The following NALF1 variants were observed in gnomAD, a reference collection of about 807,000 sequenced individuals.
NALF1 encodes family with sequence similarity 155 member A.
In NALF1, 3 loss-of-function variants were observed where a neutral mutation model predicts 48.4. The observed-to-expected ratio is 0.06, with a 90% confidence interval of 0.03 to 0.16. The LOEUF is 0.16. Ranked by LOEUF, NALF1 falls within the 10% of genes least tolerant of loss-of-function variation. NALF1 has a pLI of 1.00. For missense variants in NALF1, 526 were observed against 571.5 expected (o/e 0.92, Z 0.81); for synonymous variants, 262 against 245.7 (o/e 1.07, Z -0.62).
At chr13:107,339,202 C>T (rs907329942) in intron 1 of NALF1, among the ~76,000 whole-genome samples, 2 of 150,688 alleles carry the variant, frequency 1.3e-5, no homozygotes, top group Admixed American at 1.3e-4. Flanking sequence ...AATGAAATAA[C>T]CTGAAACTTA....
At chr13:107,337,075 A>C (rs1040236005) in intron 1 of NALF1, among the ~76,000 whole-genome samples, 6 of 132,414 alleles carry the variant, frequency 4.5e-5, no homozygotes, top group African/African-American at 1.1e-4. Context: ...AAAAAAAAAA[A>C]AATGTCAGAA....
chr13:107,698,749 C>G (rs1017210810), intron 1 of NALF1, among the ~76,000 whole-genome samples: 1 of 152,000 alleles, frequency 6.6e-6, no homozygotes, highest in Non-Finnish European at 1.5e-5. Flanking sequence ...TTTCCCTGAC[C>G]ACTTTATAGC....
intron 1 of NALF1, among the ~76,000 whole-genome samples, chr13:107,633,112 G>A (rs1452938254): frequency 6.6e-6 from 1 of 152,012 alleles, no homozygotes; most frequent in Non-Finnish European, 1.5e-5. Flanking sequence ...TTGTTTATAA[G>A]AGAAAGAATG....
chr13:107,563,724 T>C (rs1333493429), intron 1 of NALF1, among the ~76,000 whole-genome samples: 1 of 152,214 alleles, frequency 6.6e-6, no homozygotes, highest in Non-Finnish European at 1.5e-5. Context: ...AAAGAAAACA[T>C]TACCATTCTG....
At chr13:107,367,948 TA>T (rs1883180391) in intron 1 of NALF1, among the ~76,000 whole-genome samples, 2 of 152,172 alleles carry the variant, frequency 1.3e-5, no homozygotes, top group Non-Finnish European at 2.9e-5. Flanking sequence ...AGTGCAAACA[TA>T]CTGAGCATTG....
chr13:107,282,235 G>C (rs183382234), intron 1 of NALF1, among the ~76,000 whole-genome samples: 43 of 152,328 alleles, frequency 2.8e-4, no homozygotes, highest in African/African-American at 9.6e-4. Context: ...CCCAGACTTT[G>C]AGGTCAGGTC....
Position 107,532,377 on chromosome 13 carries a change from T to G in NALF1, c.916-321622A>C, listed in dbSNP as rs563944087. Among the ~76,000 whole-genome samples the G allele has an allele frequency of 3.3e-5, 5 of 152,230 alleles. No homozygotes were observed. In the East Asian group the frequency reaches 9.7e-4, roughly 29 times the overall value. On this transcript the variant is annotated intron_variant, in intron 1 of 2. Transcript: ENST00000375915. ...GCTGAGCTCTCATTATGGACTGTTT[T>G]GCTGCTTCCTTTCTCTATGAAGAAA...
At chr13:107,561,281 C>T (rs748696116) in intron 1 of NALF1, among the ~76,000 whole-genome samples, 5 of 152,142 alleles carry the variant, frequency 3.3e-5, no homozygotes, top group African/African-American at 4.8e-5. Context: ...TACTTAGGTG[C>T]CATGTCACCT....
chr13:107,358,275 G>T (rs1327253187), intron 1 of NALF1, among the ~76,000 whole-genome samples: 1 of 152,040 alleles, frequency 6.6e-6, no homozygotes, highest in African/African-American at 2.4e-5. Context: ...TCACTTGCCT[G>T]CTGTATTACC....
chr13:107,265,952 G>A (rs542877322), intron 1 of NALF1, among the ~76,000 whole-genome samples: 1 of 152,138 alleles, frequency 6.6e-6, no homozygotes, highest in Non-Finnish European at 1.5e-5. Flanking sequence ...TTCTCTAGGT[G>A]CTGGGAAATA....
At chr13:107,294,640 T>C (rs967204772) in intron 1 of NALF1, among the ~76,000 whole-genome samples, 3 of 152,194 alleles carry the variant, frequency 2.0e-5, no homozygotes, top group African/African-American at 7.2e-5. Context: ...ATCGTCCCCA[T>C]ATTAATGTGG....
intron 1 of NALF1, among the ~76,000 whole-genome samples, chr13:107,480,277 A>G (rs1885234751): frequency 6.6e-6 from 1 of 152,160 alleles, no homozygotes; most frequent in Admixed American, 6.6e-5. Flanking sequence ...AACTTGGCAC[A>G]ATGACTTCAG....
At chr13:107,467,490 G>T (rs114381663) in intron 1 of NALF1, among the ~76,000 whole-genome samples, 4 of 152,018 alleles carry the variant, frequency 2.6e-5, no homozygotes, top group South Asian at 2.1e-4. Flanking sequence ...TACCCACAAA[G>T]GGATAGCAGC....
chr13:107,614,055 A>T (rs922464679), intron 1 of NALF1, among the ~76,000 whole-genome samples: 1 of 152,182 alleles, frequency 6.6e-6, no homozygotes, highest in Non-Finnish European at 1.5e-5. Flanking sequence ...TTCATCTGTA[A>T]TATTTCTTGT....
intron 1 of NALF1, among the ~76,000 whole-genome samples, chr13:107,458,607 G>A (rs561745436): frequency 1.3e-5 from 2 of 152,280 alleles, no homozygotes; most frequent in East Asian, 3.9e-4. Context: ...AGGTTAAACA[G>A]GAAGACGCAC....
intron 1 of NALF1, among the ~76,000 whole-genome samples, chr13:107,329,073 G>T (rs1266174352): frequency 6.6e-6 from 1 of 152,118 alleles, no homozygotes; most frequent in African/African-American, 2.4e-5. Context: ...CAACATCTTA[G>T]ATTATATCAT....
intron 1 of NALF1, among the ~76,000 whole-genome samples, chr13:107,677,529 C>T (rs1881162657): frequency 6.6e-6 from 1 of 151,618 alleles, no homozygotes; most frequent in South Asian, 2.1e-4. Flanking sequence ...ATTTATAATA[C>T]CTAAAAATCA....
At chr13:107,555,035 T>C (rs1877417021) in intron 1 of NALF1, among the ~76,000 whole-genome samples, 1 of 152,176 alleles carries the variant, frequency 6.6e-6, no homozygotes, top group Admixed American at 6.5e-5. Context: ...GGCAAGGTTG[T>C]GCCGTAAAGC....
At chr13:107,275,637 C>T (rs970693665) in intron 1 of NALF1, among the ~76,000 whole-genome samples, 1 of 152,094 alleles carries the variant, frequency 6.6e-6, no homozygotes, top group African/African-American at 2.4e-5. Context: ...ATCTGATCTC[C>T]AGGTCTTCCA....
Sources: gnomAD v4.1 joint callset for allele counts (sites outside exome capture counted in the v4.1 genomes callset) on GRCh38, gnomAD v4.1.1 for gene constraint, MANE v1.5 for transcripts, NCBI Gene and HGNC (gene_info 2026-07-23, HGNC 2026-07-21) for gene names.